MNAT1: variants seen among roughly 807,000 people sequenced by gnomAD.
MNAT1 encodes the protein CDK-activating kinase assembly factor MAT1.
In MNAT1, 43 loss-of-function variants were observed where a neutral mutation model predicts 42.0. The ratio of observed to expected loss-of-function variants is 1.02; its 90% CI spans 0.80 to 1.32. MNAT1 has a LOEUF of 1.32. Among genes scored for constraint, MNAT1 ranks in the 40% most tolerant of loss-of-function variants. The probability of loss-of-function intolerance (pLI) is 0.00; values close to 1 mark genes in which losing one functional copy is unlikely to be tolerated. For synonymous variants in MNAT1, 118 were observed against 120.0 expected (o/e 0.98, Z 0.11); for missense variants, 306 against 350.4 (o/e 0.87, Z 1.01).
intron 7 of MNAT1, among the ~76,000 whole-genome samples, chr14:60,888,558 C>T (rs931497955): frequency 5.9e-5 from 9 of 151,740 alleles, no homozygotes; most frequent in African/African-American, 9.7e-5. Context: ...TGCCCTCTCT[C>T]ACCACTCCTA....
intron 1 of MNAT1, among the ~76,000 whole-genome samples, chr14:60,756,501 T>C (rs2030356478): frequency 6.6e-6 from 1 of 152,328 alleles, no homozygotes; most frequent in Admixed American, 6.5e-5. Context: ...TTTTAAAAAA[T>C]AGTATATTTT....
At chr14:60,932,502 C>T (rs1300013603) in intron 7 of MNAT1, among the ~76,000 whole-genome samples, 4 of 151,926 alleles carry the variant, frequency 2.6e-5, no homozygotes, top group South Asian at 4.2e-4. Context: ...TAATATAGTT[C>T]AAGAAACTGT....
At chr14:60,841,936 G>C (rs2033564426) in intron 6 of MNAT1, among the ~76,000 whole-genome samples, 1 of 152,246 alleles carries the variant, frequency 6.6e-6, no homozygotes, top group Middle Eastern at 3.4e-3. Flanking sequence ...TTCTGTATGA[G>C]CTTTGAGAAT....
intron 1 of MNAT1, among the ~76,000 whole-genome samples, chr14:60,764,770 G>A (rs1956868): frequency 0.92 from 140,110 of 152,270 alleles, 65,067 homozygotes; most frequent in Non-Finnish European, 0.99. Flanking sequence ...AAATAAATTA[G>A]CAAATGGTAG....
chr14:60,829,801 C>T (rs985785324), intron 6 of MNAT1, among the ~76,000 whole-genome samples: 1 of 152,132 alleles, frequency 6.6e-6, no homozygotes, highest in East Asian at 1.9e-4. Context: ...ATTTATGAAA[C>T]AAACATTTTC....
At position 60,879,871 on chromosome 14, in the gene MNAT1, A is replaced by T. The variant is rs201790662; in HGVS notation, c.809+36A>T. ...TAAAGAACTTTACATTGAGGAGCTG[A>T]TATGTGGGACTTATTGCTGTTCTTA... On this transcript the variant is annotated intron_variant, in intron 7 of 7. Coordinates refer to ENST00000261245, the MANE Select transcript of MNAT1 (RefSeq NM_002431.4). 5 of 1,599,378 alleles carry T rather than the reference A, an allele frequency of 3.1e-6. No individual in the cohort carries two copies. In the Admixed American group the frequency reaches 8.7e-5, roughly 28 times the overall value.
intron 7 of MNAT1, among the ~76,000 whole-genome samples, chr14:60,908,192 TA>T (rs2035255995): frequency 2.6e-5 from 4 of 152,288 alleles, no homozygotes; most frequent in African/African-American, 7.2e-5. Context: ...TTTAGTTTGT[TA>T]CTTATTTCTT....
intron 6 of MNAT1, among the ~76,000 whole-genome samples, chr14:60,867,054 A>G (rs140857544): frequency 9.8e-4 from 149 of 152,222 alleles, no homozygotes; most frequent in African/African-American, 3.5e-3. Context: ...ACAGATTTTG[A>G]TGAGTTTCCA....
At chr14:60,835,643 C>T (rs117957341) in intron 6 of MNAT1, among the ~76,000 whole-genome samples, 1,852 of 152,262 alleles carry the variant, frequency 0.012, 28 homozygotes, top group Non-Finnish European at 0.017. Flanking sequence ...GTAACCTGAC[C>T]TTTCTTTCTG....
At chr14:60,833,986 A>G (rs1403766397) in intron 6 of MNAT1, among the ~76,000 whole-genome samples, 1 of 152,042 alleles carries the variant, frequency 6.6e-6, no homozygotes, top group Non-Finnish European at 1.5e-5. Flanking sequence ...GTGTTTTCTG[A>G]TGGTAGTTTG....
At chr14:60,917,341 T>G (rs558337208) in intron 7 of MNAT1, among the ~76,000 whole-genome samples, 1 of 152,336 alleles carries the variant, frequency 6.6e-6, no homozygotes, top group South Asian at 2.1e-4. Context: ...CTAGGTCCAA[T>G]GAACCCCTTT....
At chr14:60,824,975 T>C (rs1307379581) in intron 6 of MNAT1, among the ~76,000 whole-genome samples, 1 of 118,872 alleles carries the variant, frequency 8.4e-6, no homozygotes, top group Non-Finnish European at 1.8e-5. Context: ...CAATTCCAGA[T>C]GGATAATAGA....
chr14:60,799,889 T>C (rs2032147988), intron 3 of MNAT1, among the ~76,000 whole-genome samples: 2 of 152,088 alleles, frequency 1.3e-5, no homozygotes, highest in African/African-American at 4.8e-5. Context: ...ATATAGAAGC[T>C]GTGGCTCAGA....
intron 3 of MNAT1, among the ~76,000 whole-genome samples, chr14:60,803,056 C>T (rs954912361): frequency 1.1e-4 from 16 of 151,626 alleles, no homozygotes; most frequent in East Asian, 3.9e-4. Flanking sequence ...CTCAGCCTCC[C>T]GAGTAGCTGG....
chr14:60,744,903 C>T (rs1372055532), intron 1 of MNAT1, among the ~76,000 whole-genome samples: 1 of 152,088 alleles, frequency 6.6e-6, no homozygotes, highest in African/African-American at 2.4e-5. Flanking sequence ...TCTAGGTATA[C>T]CCAGTACTCC....
intron 7 of MNAT1, among the ~76,000 whole-genome samples, chr14:60,942,868 G>C (rs1184836675): frequency 2.0e-5 from 3 of 151,926 alleles, no homozygotes; most frequent in Non-Finnish European, 2.9e-5. Flanking sequence ...CCTCACTGTC[G>C]CAGTGCTTTT....
At chr14:60,819,902 T>C (rs1384728361) in intron 6 of MNAT1, among the ~76,000 whole-genome samples, 3 of 152,206 alleles carry the variant, frequency 2.0e-5, no homozygotes, top group African/African-American at 7.2e-5. Flanking sequence ...AGTATAGTAC[T>C]TGGCTTATTG....
intron 6 of MNAT1, among the ~76,000 whole-genome samples, chr14:60,856,080 C>T (rs2033952820): frequency 6.6e-6 from 1 of 152,228 alleles, no homozygotes. Flanking sequence ...AAGCTAGAAA[C>T]GATTAAGCTT....
At chr14:60,905,940 G>A (rs1331304599) in intron 7 of MNAT1, among the ~76,000 whole-genome samples, 2 of 152,184 alleles carry the variant, frequency 1.3e-5, no homozygotes, top group South Asian at 2.1e-4. Context: ...GCCCAGTCAA[G>A]TTGACACATA....
Sources: gnomAD v4.1 joint callset for allele counts (sites outside exome capture counted in the v4.1 genomes callset) on GRCh38, gnomAD v4.1.1 for gene constraint, MANE v1.5 for transcripts, NCBI Gene and HGNC (gene_info 2026-07-23, HGNC 2026-07-21) for gene names.